Variants in SASH3 observed in about 807,000 individuals in gnomAD.
The protein encoded by SASH3 is SAM and SH3 domain-containing protein 3.
SASH3 carries 7 observed loss-of-function variants against 26.1 expected under a neutral mutation model. The observed-to-expected ratio is 0.27, with a 90% CI of 0.15 to 0.50. SASH3 has a LOEUF of 0.50. Among genes scored for constraint, SASH3 ranks in the 20% least tolerant of loss-of-function variants. SASH3 has a pLI of 0.98. For synonymous variants in SASH3, 138 were observed against 136.8 expected (o/e 1.01, Z -0.06); for missense variants, 231 against 318.3 (o/e 0.73, Z 2.09).
Position 129,793,935 on chromosome X carries a change from C to G in SASH3, c.*103C>G. The G allele has an allele frequency of 1.3e-6, 1 of 786,834 alleles. No homozygotes were observed. Among genetic ancestry groups the G allele is most frequent in the Non-Finnish European group, 1.8e-6 (1 of 552,506 alleles). The allele number at this position is 786,834 out of a possible 1,213,427, so 64.8% of individuals were successfully genotyped here. The stretch of plus-strand genomic sequence containing the variant: ...CAGGTCCTGAGGACTGGCACTGAGC[C>G]TGGCCCTGCTTCCCCAGGGACACTT... On this transcript the variant is annotated 3_prime_UTR_variant, in exon 8 of 8. Coordinates refer to ENST00000356892, the MANE Select transcript of SASH3 (RefSeq NM_018990.4).
intron 3 of SASH3, 66 bp downstream of exon 3, chrX:129,788,643 A>G: frequency 9.2e-7 from 1 of 1,082,085 alleles, no homozygotes; most frequent in Non-Finnish European, 1.3e-6. Context: ...GCAGAATGTG[A>G]GCATGACCAC....
At chrX:129,781,117 A>T (rs1927008549) in intron 1 of SASH3, among the ~76,000 whole-genome samples, 1 of 112,645 alleles carries the variant, frequency 8.9e-6, no homozygotes, top group Admixed American at 9.3e-5. Context: ...ATGCTAGGAC[A>T]GTCCCAAAGC....
At chrX:129,785,992 A>G (rs1927100474) in intron 1 of SASH3, among the ~76,000 whole-genome samples, 2 of 112,413 alleles carry the variant, frequency 1.8e-5, no homozygotes, top group South Asian at 7.3e-4. Flanking sequence ...AAAGAAAGGG[A>G]GAAAAAGAGG....
chrX:129,793,620 C>A (rs1374957121), intron 7 of SASH3, 22 bp from the exon 8 acceptor site: 1 of 1,205,874 alleles, frequency 8.3e-7, no homozygotes. Flanking sequence ...CATATTCTGT[C>A]TCCCTCTCTC....
rs200046964 is a variant in SASH3 at position 129,792,858 on chromosome X, G to GTCACTAT, written c.801+23_801+24insCACTATT. 5.2e-3 allele frequency: 6,103 copies of GTCACTAT among 1,176,555 alleles called. 195 individuals carry two copies. In the African/African-American group the frequency reaches 0.093, roughly 18 times the overall value. ...GGAGGTTTGAGCTTGGTCCTCACTA[G>GTCACTAT]TATCTAGTATCAGGGAGGCACAACT... On this transcript the variant is annotated intron_variant, in intron 6 of 7. Coordinates refer to ENST00000356892, the MANE Select transcript of SASH3 (RefSeq NM_018990.4).
intron 1 of SASH3, 47 bp from the exon 2 acceptor site, chrX:129,787,928 C>T (rs764348920): frequency 7.8e-6 from 8 of 1,023,914 alleles, no homozygotes; most frequent in Non-Finnish European, 9.6e-6. Context: ...TGTGGGCCCT[C>T]GGGCAGCCAT....
At chrX:129,791,546 C>T (rs1927232175) in intron 4 of SASH3, among the ~76,000 whole-genome samples, 1 of 112,177 alleles carries the variant, frequency 8.9e-6, no homozygotes, top group South Asian at 3.7e-4. Context: ...AGCCTCTTGA[C>T]CCTAGACCAT....
At chrX:129,789,245 G>A (rs909370732) in intron 3 of SASH3, among the ~76,000 whole-genome samples, 1 of 109,933 alleles carries the variant, frequency 9.1e-6, no homozygotes, top group South Asian at 3.9e-4. Context: ...GCTTGAGAAA[G>A]ATGAAATGGC....
chrX:129,793,607 C>G (rs760325636), intron 7 of SASH3, 35 bp from the exon 8 acceptor site: 29 of 1,193,053 alleles, frequency 2.4e-5, no homozygotes, highest in Non-Finnish European at 3.3e-5. Context: ...CTACCTCCAC[C>G]CCCATATTCT....
intron 3 of SASH3, among the ~76,000 whole-genome samples, chrX:129,789,109 A>AG (rs1556001553): frequency 2.5e-5 from 1 of 39,449 alleles, no homozygotes; most frequent in African/African-American, 1.4e-4. Context: ...CTCAAAAAAA[A>AG]AAAGAAAGAA....
In SASH3 at chrX:129,788,413, C is replaced by T; in HGVS notation, c.154-18C>T. On this transcript the variant is annotated intron_variant, in intron 2 of 7. Transcript: ENST00000356892. ...CAGGACCACCAGGGTCCCTGGATCG[C>T]CTCTTTTGTTGTCACAGATTCCAGA... The T allele has an allele frequency of 1.7e-6, 2 of 1,210,877 alleles. No homozygotes were observed. The highest frequency in any genetic ancestry group is 2.2e-6 in the Non-Finnish European group (2 of 894,885).
intron 1 of SASH3, among the ~76,000 whole-genome samples, chrX:129,786,991 T>C (rs1201840573): frequency 3.4e-5 from 3 of 88,643 alleles, no homozygotes; most frequent in Non-Finnish European, 6.3e-5. Flanking sequence ...CGAGACTCCA[T>C]CTCAGAAAAA....
At chrX:129,785,881 G>C (rs1266153890) in intron 1 of SASH3, among the ~76,000 whole-genome samples, 1 of 112,622 alleles carries the variant, frequency 8.9e-6, no homozygotes, top group Non-Finnish European at 1.9e-5. Context: ...CCCTCTCTCC[G>C]TTCCCTCTTT....
At chrX:129,788,319 C>T in intron 2 of SASH3, 112 bp from the exon 3 acceptor site, 3 of 813,701 alleles carry the variant, frequency 3.7e-6, no homozygotes, top group Admixed American at 2.7e-5. Context: ...ATGGGGGCCT[C>T]TCAGTTCCAC....
In SASH3 at chrX:129,793,895, C is replaced by T. The variant is rs990836787; in HGVS notation, c.*63C>T. The T allele has an allele frequency of 2.5e-5, 26 of 1,043,647 alleles. No individual in the cohort carries two copies. The highest frequency in any genetic ancestry group is 3.2e-5 in the Non-Finnish European group (25 of 771,044). The allele number at this position is 1,043,647 out of a possible 1,213,427, so 86.0% of individuals were successfully genotyped here. The stretch of plus-strand genomic sequence containing the variant: ...GCAAAGGCTGTAGGAGTGGGCCCAG[C>T]CTCCCGTGGTGGCCCAGGTCCTGAG... On this transcript the variant is annotated 3_prime_UTR_variant, in exon 8 of 8. Transcript: ENST00000356892.
chrX:129,780,211 C>T, intron 1 of SASH3, 57 bp downstream of exon 1: 1 of 1,078,607 alleles, frequency 9.3e-7, no homozygotes, highest in South Asian at 2.0e-5. Flanking sequence ...CGACCCATCC[C>T]TTCCAAGACT....
chrX:129,780,030 C>T lies in SASH3; in HGVS notation c.-68C>T. The stretch of plus-strand genomic sequence containing the variant: ...GTGCCCCCGGGCAGTTCTGGTGAGG[C>T]TAAGCAAGAGGCCTCTGCATCTTGA... On this transcript the variant is annotated 5_prime_UTR_variant, in exon 1 of 8. Coordinates refer to ENST00000356892, the MANE Select transcript of SASH3 (RefSeq NM_018990.4). 1 of 1,108,056 alleles carries T rather than the reference C, an allele frequency of 9.0e-7. No individual in the cohort carries two copies. Among genetic ancestry groups the T allele is most frequent in the Non-Finnish European group, 1.2e-6 (1 of 804,338 alleles). The allele number at this position is 1,108,056 out of a possible 1,213,427, so 91.3% of individuals were successfully genotyped here.
intron 1 of SASH3, among the ~76,000 whole-genome samples, chrX:129,785,316 C>T (rs1023116546): frequency 9.0e-6 from 1 of 111,348 alleles, no homozygotes; most frequent in African/African-American, 3.3e-5. Flanking sequence ...TCACCTCTCT[C>T]TGAAAGGCGG....
chrX:129,793,184 G>C, intron 7 of SASH3, 45 bp downstream of exon 7: 1 of 1,198,419 alleles, frequency 8.3e-7, no homozygotes, highest in Non-Finnish European at 1.1e-6. Flanking sequence ...GTGCCCACCG[G>C]CATTCCAGGG....
Sources: gnomAD v4.1 joint callset for allele counts (sites outside exome capture counted in the v4.1 genomes callset) on GRCh38, gnomAD v4.1.1 for gene constraint, MANE v1.5 for transcripts, NCBI Gene and HGNC (gene_info 2026-07-23, HGNC 2026-07-21) for gene names.